COXFA4: variants seen among roughly 807,000 people sequenced by gnomAD.
COXFA4 encodes the protein cytochrome c oxidase associated subunit FA4.
chr7:10,938,526 T>C, the COXFA4 span: 7 of 429,730 alleles, frequency 1.6e-5, no homozygotes, highest in East Asian at 1.2e-4. Flanking sequence ...AGAACCATGA[T>C]TATTTTATAA....
the COXFA4 span, chr7:10,932,498 A>G: frequency 6.6e-6 from 1 of 152,234 alleles, no homozygotes; most frequent in Non-Finnish European, 1.5e-5. Flanking sequence ...AGTTCCTGAC[A>G]TTTAAAATGT....
At chr7:10,938,781 A>G in the COXFA4 span, 12 of 1,575,974 alleles carry the variant, frequency 7.6e-6, no homozygotes, top group South Asian at 1.2e-4. Context: ...TCAGCTATCA[A>G]AGTTTTAAAC....
chr7:10,939,765 C>G, the COXFA4 span: 1 of 568,984 alleles, frequency 1.8e-6, no homozygotes. Context: ...TATTCACTAA[C>G]TAGAAAAAAC....
At chr7:10,935,998 G>A in the COXFA4 span, among the ~76,000 whole-genome samples, 3 of 152,148 alleles carry the variant, frequency 2.0e-5, no homozygotes, top group African/African-American at 4.8e-5. Flanking sequence ...AAGAGTGGCA[G>A]GTATCATTTC....
At chr7:10,934,747 C>G in the COXFA4 span, among the ~76,000 whole-genome samples, 1 of 152,004 alleles carries the variant, frequency 6.6e-6, no homozygotes, top group Admixed American at 6.6e-5. Flanking sequence ...AAAAAAAATC[C>G]TCAGGTTGTA....
At chr7:10,935,966 C>T in the COXFA4 span, among the ~76,000 whole-genome samples, 1 of 152,068 alleles carries the variant, frequency 6.6e-6, no homozygotes, top group Non-Finnish European at 1.5e-5. Flanking sequence ...AGCAAAAGAA[C>T]GGAGGGACCA....
At chr7:10,939,157 G>C in the COXFA4 span, 1 of 376,132 alleles carries the variant, frequency 2.7e-6, no homozygotes, top group African/African-American at 2.1e-5. Context: ...GCAAATTATA[G>C]GTACATTTTT....
chr7:10,938,963 A>G, the COXFA4 span: 1 of 1,211,640 alleles, frequency 8.3e-7, no homozygotes, highest in East Asian at 2.3e-5. Flanking sequence ...GAGAGATTAC[A>G]GTAGTTTCTG....
the COXFA4 span, among the ~76,000 whole-genome samples, chr7:10,936,093 T>C: frequency 1.3e-5 from 2 of 152,112 alleles, no homozygotes; most frequent in East Asian, 1.9e-4. Flanking sequence ...AGGTGAGAGA[T>C]TGTGAATGAT....
At chr7:10,937,061 CTA>C in the COXFA4 span, among the ~76,000 whole-genome samples, 140 of 151,986 alleles carry the variant, frequency 9.2e-4, no homozygotes, top group Non-Finnish European at 1.6e-3. Context: ...AAAAACGTTG[CTA>C]TGAGTAATAA....
chr7:10,936,383 T>C, the COXFA4 span, among the ~76,000 whole-genome samples: 15 of 152,364 alleles, frequency 9.8e-5, no homozygotes, highest in South Asian at 1.0e-3. Flanking sequence ...AATCATCTGT[T>C]ACACTTTTTG....
the COXFA4 span, chr7:10,933,581 A>C: frequency 1.4e-6 from 2 of 1,396,690 alleles, no homozygotes; most frequent in African/African-American, 2.8e-5. Context: ...AATTGTGCGG[A>C]TGTGGCTTCT....
chr7:10,939,961 C>G, the COXFA4 span: 1 of 1,600,490 alleles, frequency 6.2e-7, no homozygotes, highest in Non-Finnish European at 8.6e-7. Context: ...GAAAGAGGCG[C>G]ACCCCGACGC....
chr7:10,940,068 GA>G, the COXFA4 span: 1 of 1,613,426 alleles, frequency 6.2e-7, no homozygotes, highest in Admixed American at 1.7e-5. Flanking sequence ...GTTTGCGGCA[GA>G]GGTCTCCGAC....
chr7:10,935,274 A>G, the COXFA4 span, among the ~76,000 whole-genome samples: 1 of 151,954 alleles, frequency 6.6e-6, no homozygotes, highest in Admixed American at 6.6e-5. Context: ...CAACTTCCCT[A>G]CCTCTATTCT....
chr7:10,938,256 T>A, the COXFA4 span: 1 of 943,064 alleles, frequency 1.1e-6, no homozygotes, highest in South Asian at 1.4e-5. Context: ...TTAGATGAGG[T>A]ATGGTGTTAT....
chr7:10,940,004 T>A, the COXFA4 span: 14 of 1,613,670 alleles, frequency 8.7e-6, no homozygotes, highest in Non-Finnish European at 1.2e-5. Context: ...AGGAGAGCGG[T>A]CACGAACTTA....
At chr7:10,932,541 A>G in the COXFA4 span, 1 of 152,256 alleles carries the variant, frequency 6.6e-6, no homozygotes, top group Non-Finnish European at 1.5e-5. Flanking sequence ...TTAATTGTAT[A>G]CTTACGTATG....
the COXFA4 span, chr7:10,939,700 T>C: frequency 2.5e-4 from 108 of 433,420 alleles, no homozygotes; most frequent in African/African-American, 2.0e-3. Context: ...AGCGCACATC[T>C]ATCCCTCCTG....
Sources: allele counts gnomAD v4.1 joint callset (sites outside exome capture counted in the v4.1 genomes callset), GRCh38; gene constraint gnomAD v4.1.1; transcripts MANE v1.5; gene names NCBI Gene and HGNC (gene_info 2026-07-23, HGNC 2026-07-21).